The following STXBP3 variants were observed in gnomAD, a reference collection of about 807,000 sequenced individuals.
STXBP3 encodes syntaxin binding protein 3.
STXBP3 carries 41 observed loss-of-function variants against 85.7 expected under a neutral mutation model. That is an observed-to-expected ratio of 0.48 (90% CI 0.37 to 0.62). The LOEUF (loss-of-function observed/expected upper bound fraction) is 0.62. STXBP3 is among the 20% of genes least tolerant of loss of function. STXBP3 has a pLI of 0.00. For synonymous variants in STXBP3, 229 were observed against 231.7 expected (o/e 0.99, Z 0.10); for missense variants, 563 against 703.1 (o/e 0.80, Z 2.25).
rs756093452 is a variant in STXBP3 at position 108,793,622 on chromosome 1, C to A, written c.1004C>A (p.Pro335His). 1 of 1,612,006 alleles carries A rather than the reference C, an allele frequency of 6.2e-7. No individual in the cohort carries two copies. Among genetic ancestry groups the A allele is most frequent in the Non-Finnish European group, 8.5e-7 (1 of 1,178,724 alleles). ...SALTQLMKKM[P>H]HFRKQITKQV... ...CTTACCCAGCTGATGAAAAAGATGC[C>A]CCATTTCCGAAAACAGATTACTAAG... Residue 335 changes from proline to histidine, a missense_variant, in exon 12 of 19, where the codon CCC (proline) becomes CAC (histidine). Around this residue, in one of 3 missense-constraint regions of STXBP3, gnomAD observed 494 missense variants for 592.8 expected, o/e 0.83. Coordinates refer to ENST00000370008, the MANE Select transcript of STXBP3 (RefSeq NM_007269.4).
chr1:108,747,589 G>C (rs11102337), intron 1 of STXBP3, among the ~76,000 whole-genome samples: 57,460 of 152,078 alleles, frequency 0.38, 11,290 homozygotes, highest in Middle Eastern at 0.48. Context: ...AACCATCATT[G>C]TTTGGTATCT....
chr1:108,749,280 A>G (rs909302340), intron 1 of STXBP3, among the ~76,000 whole-genome samples: 9 of 152,248 alleles, frequency 5.9e-5, no homozygotes, highest in African/African-American at 1.7e-4. Flanking sequence ...AAATAAGTCT[A>G]GAGTAGTTTT....
At chr1:108,748,148 T>G (rs909755480) in intron 1 of STXBP3, among the ~76,000 whole-genome samples, 1 of 152,174 alleles carries the variant, frequency 6.6e-6, no homozygotes, top group Non-Finnish European at 1.5e-5. Context: ...GACTCAACAT[T>G]TTTCATGTTG....
intron 8 of STXBP3, among the ~76,000 whole-genome samples, chr1:108,778,784 A>G (rs760174732): frequency 2.8e-4 from 42 of 152,210 alleles, no homozygotes; most frequent in Admixed American, 2.5e-3. Flanking sequence ...AAGCTATTAT[A>G]CAGTTGTCCC....
intron 3 of STXBP3, among the ~76,000 whole-genome samples, chr1:108,754,501 A>G (rs1051309027): frequency 5.9e-5 from 9 of 152,230 alleles, no homozygotes; most frequent in African/African-American, 1.4e-4. Context: ...CTGAAAGGTC[A>G]TTCTGATGTG....
chr1:108,773,015 G>A (rs1003868719), intron 7 of STXBP3, among the ~76,000 whole-genome samples, 196 bp downstream of exon 7: 9 of 151,956 alleles, frequency 5.9e-5, no homozygotes, highest in African/African-American at 1.9e-4. Flanking sequence ...ACTGAATTTC[G>A]GAGCCTAAAT....
intron 8 of STXBP3, among the ~76,000 whole-genome samples, chr1:108,778,380 A>G (rs1385131922): frequency 6.6e-6 from 1 of 152,166 alleles, no homozygotes; most frequent in African/African-American, 2.4e-5. Flanking sequence ...ATGTTTGCGA[A>G]TTAATGATAA....
In STXBP3 at chr1:108,782,719, C is replaced by G; in HGVS notation, c.963+13C>G. The G allele has an allele frequency of 6.3e-7, 1 of 1,585,942 alleles. No individual in the cohort carries two copies. The highest frequency in any genetic ancestry group is 8.6e-7 in the Non-Finnish European group (1 of 1,169,234). On this transcript the variant is annotated intron_variant, in intron 11 of 18. Coordinates refer to ENST00000370008, the MANE Select transcript of STXBP3 (RefSeq NM_007269.4). ...AACAGAAGGAAAGGTAAGAGTCTTA[C>G]TTAACTTTCAAAGTAATAGTGAAGG...
At chr1:108,749,031 C>T (rs1307752506) in intron 1 of STXBP3, among the ~76,000 whole-genome samples, 1 of 152,110 alleles carries the variant, frequency 6.6e-6, no homozygotes, top group Non-Finnish European at 1.5e-5. Flanking sequence ...GTGACTCTGA[C>T]AGCTGTGTGA....
chr1:108,752,205 A>G, intron 1 of STXBP3, 52 bp from the exon 2 acceptor site: 3 of 1,538,942 alleles, frequency 1.9e-6, no homozygotes, highest in Non-Finnish European at 1.8e-6. Context: ...CCTTTGGATT[A>G]CTATGTTTCT....
intron 13 of STXBP3, 86 bp downstream of exon 13, chr1:108,794,993 C>A: frequency 1.6e-6 from 2 of 1,225,732 alleles, no homozygotes; most frequent in Non-Finnish European, 2.3e-6. Context: ...TTGCTTGATA[C>A]AGTGGTTGGT....
At chr1:108,762,636 A>G (rs1453613882) in intron 6 of STXBP3, among the ~76,000 whole-genome samples, 2 of 152,158 alleles carry the variant, frequency 1.3e-5, no homozygotes, top group Non-Finnish European at 2.9e-5. Context: ...ATGGAATGTG[A>G]TATTATATTA....
intron 17 of STXBP3, among the ~76,000 whole-genome samples, chr1:108,804,721 C>T (rs1486907157): frequency 1.3e-5 from 2 of 152,168 alleles, no homozygotes; most frequent in African/African-American, 4.8e-5. Context: ...ATGATTAATA[C>T]CTAAGACTCT....
chr1:108,785,036 G>A (rs1469127129), intron 11 of STXBP3, among the ~76,000 whole-genome samples: 1 of 152,188 alleles, frequency 6.6e-6, no homozygotes, highest in African/African-American at 2.4e-5. Context: ...TTCATGGGCT[G>A]GTGTTGAGTG....
At chr1:108,784,472 C>G (rs1662784947) in intron 11 of STXBP3, among the ~76,000 whole-genome samples, 1 of 152,188 alleles carries the variant, frequency 6.6e-6, no homozygotes, top group Admixed American at 6.5e-5. Flanking sequence ...ATGGGGCAAA[C>G]CGCCCCCATG....
chr1:108,794,838 T>A lies in STXBP3; in HGVS notation c.1041T>A (p.His347Gln). The part of the protein sequence containing the change: ...FRKQITKQVV[H>Q]LNLAEDCMNK... The stretch of plus-strand genomic sequence containing the variant: ...CTTCTGTTTTTCAGCAAGTTGTCCA[T>A]CTTAACTTAGCAGAAGATTGCATGA... The change falls in exon 13 of 19, where the codon CAT (histidine) becomes CAA (glutamine). Residue 347 changes from histidine (H) to glutamine (Q), a missense_variant. Coordinates refer to ENST00000370008, the MANE Select transcript of STXBP3 (RefSeq NM_007269.4). 1.9e-6 allele frequency: 3 copies of A among 1,610,292 alleles called. No homozygotes were observed. The highest frequency in any genetic ancestry group is 2.5e-6 in the Non-Finnish European group (3 of 1,177,946).
At position 108,772,230 on chromosome 1, in the gene STXBP3, T is replaced by TGA. The variant is rs1182546600; in HGVS notation, c.439-434_439-433dup. Reference sequence around the variant, plus strand: ...TCTATCTGTATCATATATAAATACATGATATCTATCTGTATCATATATAAA... The same window carrying TGA: ...TCTATCTGTATCATATATAAATACATGAGATATCTATCTGTATCATATATAAA... On this transcript the variant is annotated intron_variant, in intron 6 of 18. Coordinates refer to ENST00000370008, the MANE Select transcript of STXBP3 (RefSeq NM_007269.4). Among the ~76,000 whole-genome samples, 2 of 69,806 alleles carry TGA rather than the reference T, an allele frequency of 2.9e-5. 1 individual carries two copies. Among genetic ancestry groups the TGA allele is most frequent in the South Asian group, 8.0e-4 (2 of 2,504 alleles). 45.8% of individuals were successfully genotyped at this position (69,806 alleles called of 152,430 possible). A position where few individuals can be genotyped will look rare whatever the true frequency, so the allele number is the denominator to read the frequency against.
At chr1:108,802,508 T>C (rs1663252993) in intron 17 of STXBP3, among the ~76,000 whole-genome samples, 1 of 152,200 alleles carries the variant, frequency 6.6e-6, no homozygotes, top group South Asian at 2.1e-4. Flanking sequence ...CTGCCCCACC[T>C]TGAATCAAGT....
intron 6 of STXBP3, among the ~76,000 whole-genome samples, chr1:108,770,303 A>G (rs1292125318): frequency 6.6e-6 from 1 of 152,176 alleles, no homozygotes; most frequent in African/African-American, 2.4e-5. Flanking sequence ...TTAAAAAACA[A>G]AGACAAAAAC....
Sources: gnomAD v4.1 joint callset for allele counts (sites outside exome capture counted in the v4.1 genomes callset) on GRCh38, gnomAD v4.1.1 for gene constraint, gnomAD v4.1.1 regional missense constraint, MANE v1.5 for transcripts, NCBI Gene and HGNC (gene_info 2026-07-23, HGNC 2026-07-21) for gene names.